Variants in TOP6BL observed in about 807,000 individuals in gnomAD.
TOP6BL encodes TOP6B like initiator of meiotic double strand breaks.
chr11:66,745,772 C>T, the TOP6BL span, among the ~76,000 whole-genome samples: 1 of 151,994 alleles, frequency 6.6e-6, no homozygotes, highest in African/African-American at 2.4e-5. Flanking sequence ...CGCTGTCATA[C>T]CGACATGAGA....
the TOP6BL span, among the ~76,000 whole-genome samples, chr11:66,803,580 C>T: frequency 6.6e-6 from 1 of 152,170 alleles, no homozygotes; most frequent in East Asian, 1.9e-4. Flanking sequence ...AGGTGTGCAC[C>T]ATCATGCACA....
chr11:66,749,983 G>A, the TOP6BL span, among the ~76,000 whole-genome samples: 1 of 152,032 alleles, frequency 6.6e-6, no homozygotes. Flanking sequence ...CACATCTCAC[G>A]CCTTTGAGAT....
chr11:66,777,071 C>T, the TOP6BL span, among the ~76,000 whole-genome samples: 1 of 149,622 alleles, frequency 6.7e-6, no homozygotes, highest in African/African-American at 2.4e-5. Context: ...ATCTATATAT[C>T]TATATCTATA....
At chr11:66,818,304 C>T in the TOP6BL span, among the ~76,000 whole-genome samples, 7 of 152,270 alleles carry the variant, frequency 4.6e-5, no homozygotes, top group Non-Finnish European at 1.0e-4. Flanking sequence ...CTTTTCCCTG[C>T]CTTTTCCCAA....
the TOP6BL span, chr11:66,788,022 G>T: frequency 1.7e-6 from 1 of 571,594 alleles, no homozygotes; most frequent in East Asian, 2.9e-5. Flanking sequence ...GCCATTTCCA[G>T]TCATATTTTA....
At chr11:66,833,376 C>G in the TOP6BL span, among the ~76,000 whole-genome samples, 2 of 152,084 alleles carry the variant, frequency 1.3e-5, no homozygotes, top group Admixed American at 6.6e-5. Flanking sequence ...CTAATCCTGT[C>G]TTGCGATCTG....
the TOP6BL span, chr11:66,813,996 G>T: frequency 6.2e-7 from 1 of 1,613,498 alleles, no homozygotes; most frequent in Non-Finnish European, 8.5e-7. Flanking sequence ...TACCCAATTT[G>T]GATCTCAATT....
At chr11:66,837,090 G>A in the TOP6BL span, among the ~76,000 whole-genome samples, 1 of 152,024 alleles carries the variant, frequency 6.6e-6, no homozygotes, top group East Asian at 1.9e-4. Context: ...CTTGTGGATT[G>A]ACTTTTCACT....
At chr11:66,782,951 G>A in the TOP6BL span, among the ~76,000 whole-genome samples, 1 of 152,156 alleles carries the variant, frequency 6.6e-6, no homozygotes, top group African/African-American at 2.4e-5. Context: ...GTAAACTCAT[G>A]TTTAAATGGA....
chr11:66,788,080 C>T, the TOP6BL span: 6 of 966,330 alleles, frequency 6.2e-6, no homozygotes, highest in Non-Finnish European at 9.8e-6. Context: ...CTTGGCTCAC[C>T]AGTTTAATAA....
At chr11:66,802,630 CTATT>C in the TOP6BL span, among the ~76,000 whole-genome samples, 1 of 152,132 alleles carries the variant, frequency 6.6e-6, no homozygotes, top group African/African-American at 2.4e-5. Context: ...GTTTCTGCCT[CTATT>C]TATGTGCCCA....
At chr11:66,790,309 G>A in the TOP6BL span, among the ~76,000 whole-genome samples, 1 of 152,058 alleles carries the variant, frequency 6.6e-6, no homozygotes, top group African/African-American at 2.4e-5. Context: ...AAGGAACCTG[G>A]AATATAAATA....
chr11:66,754,605 G>A, the TOP6BL span, among the ~76,000 whole-genome samples: 39 of 152,280 alleles, frequency 2.6e-4, no homozygotes, highest in African/African-American at 8.4e-4. Flanking sequence ...TTTAACTGGG[G>A]AACTTTCTCT....
the TOP6BL span, chr11:66,843,107 G>C: frequency 6.3e-7 from 1 of 1,598,214 alleles, no homozygotes; most frequent in African/African-American, 1.3e-5. Context: ...GGGCTCAGCA[G>C]GAGGTGCAGG....
chr11:66,823,961 C>T, the TOP6BL span, among the ~76,000 whole-genome samples: 8 of 152,234 alleles, frequency 5.3e-5, no homozygotes, highest in Admixed American at 3.3e-4. Context: ...TGTGGCAGTA[C>T]GGAATCAGAG....
At chr11:66,816,305 A>G in the TOP6BL span, 1 of 1,270,736 alleles carries the variant, frequency 7.9e-7, no homozygotes, top group South Asian at 2.0e-5. Flanking sequence ...TCTGTAGAAT[A>G]AATAAGTTCA....
chr11:66,791,031 C>G, the TOP6BL span, among the ~76,000 whole-genome samples: 4 of 152,080 alleles, frequency 2.6e-5, no homozygotes, highest in African/African-American at 9.7e-5. Context: ...TACTGTGCAG[C>G]TATGTAGACA....
chr11:66,841,592 G>A, the TOP6BL span, among the ~76,000 whole-genome samples: 1 of 152,188 alleles, frequency 6.6e-6, no homozygotes, highest in Non-Finnish European at 1.5e-5. Context: ...TCTTTCTGAA[G>A]TACAAAATTA....
At chr11:66,806,504 A>C in the TOP6BL span, among the ~76,000 whole-genome samples, 1 of 152,372 alleles carries the variant, frequency 6.6e-6, no homozygotes, top group East Asian at 1.9e-4. Flanking sequence ...ACGGTGGCTC[A>C]TGCCTGTAAT....
Sources: allele counts gnomAD v4.1 joint callset (sites outside exome capture counted in the v4.1 genomes callset), GRCh38; gene constraint gnomAD v4.1.1; transcripts MANE v1.5; gene names NCBI Gene and HGNC (gene_info 2026-07-23, HGNC 2026-07-21).